The following AUTS2 variants were observed in gnomAD, a reference collection of about 807,000 sequenced individuals.
The protein encoded by AUTS2 is activator of transcription and developmental regulator AUTS2.
In AUTS2, 17 loss-of-function variants were observed where a neutral mutation model predicts 112.4. That is an observed-to-expected ratio of 0.15 (90% confidence interval 0.10 to 0.23). The LOEUF (loss-of-function observed/expected upper bound fraction) is 0.23, where lower values mean the gene tolerates loss of function less well. Ranked by LOEUF, AUTS2 falls within the 10% of genes least tolerant of loss-of-function variation. The probability of loss-of-function intolerance (pLI) is 1.00; values close to 1 mark genes in which losing one functional copy is unlikely to be tolerated. For missense variants in AUTS2, 1,510 were observed against 1,701.6 expected, an observed-to-expected ratio of 0.89 and a Z score of 1.98; for synonymous variants, 751 against 702.7, an observed-to-expected ratio of 1.07 and a Z score of -1.09.
Position 70,429,477 on chromosome 7 carries a change from T to C in AUTS2, c.661-6275T>C, listed in dbSNP as rs75848858. 2.3e-3 allele frequency among the ~76,000 whole-genome samples: 345 copies of C among 152,350 alleles called. 4 individuals carry two copies. The East Asian group carries it at 0.049, about 22-fold the overall frequency. On this transcript the variant is annotated intron_variant, in intron 4 of 18. Coordinates refer to ENST00000342771, the MANE Select transcript of AUTS2 (RefSeq NM_015570.4). ...GCTTTTAGGTAGAAACTTGGAGGAA[T>C]AGAATTCCCAGTAGAGGGAATTGTT...
intron 1 of AUTS2, among the ~76,000 whole-genome samples, chr7:69,712,058 A>G (rs1291678427): frequency 1.3e-5 from 2 of 152,114 alleles, no homozygotes; most frequent in Non-Finnish European, 2.9e-5. Flanking sequence ...ATTCAGTATA[A>G]TACTCCTTCT....
At chr7:70,676,628 G>T (rs769284365) in intron 5 of AUTS2, among the ~76,000 whole-genome samples, 4 of 151,326 alleles carry the variant, frequency 2.6e-5, no homozygotes, top group Non-Finnish European at 4.4e-5. Flanking sequence ...TGTAATACCA[G>T]CACTTTGGGA....
chr7:70,365,358 T>C (rs145137312), intron 4 of AUTS2, among the ~76,000 whole-genome samples: 1 of 152,348 alleles, frequency 6.6e-6, no homozygotes, highest in East Asian at 1.9e-4. Context: ...TGGTCAAGCA[T>C]TCCCTTATTA....
intron 5 of AUTS2, among the ~76,000 whole-genome samples, chr7:70,504,197 T>C (rs1052388202): frequency 2.0e-5 from 3 of 151,932 alleles, no homozygotes; most frequent in Admixed American, 6.6e-5. Context: ...TATTTTTATT[T>C]CCTTCTGCTT....
chr7:69,772,409 T>A (rs947194182), intron 1 of AUTS2, among the ~76,000 whole-genome samples: 6 of 152,250 alleles, frequency 3.9e-5, no homozygotes, highest in African/African-American at 1.4e-4. Context: ...GATAGAGGTA[T>A]AAGGTCCTTT....
At chr7:70,686,545 T>C (rs1322725454) in intron 5 of AUTS2, among the ~76,000 whole-genome samples, 1 of 152,062 alleles carries the variant, frequency 6.6e-6, no homozygotes, top group African/African-American at 2.4e-5. Context: ...TTGTTTTGTT[T>C]TTGTTTTTGG....
intron 2 of AUTS2, among the ~76,000 whole-genome samples, chr7:69,932,042 G>A (rs1177804973): frequency 1.3e-5 from 2 of 152,164 alleles, no homozygotes; most frequent in Non-Finnish European, 2.9e-5. Context: ...CCTGAGTCTG[G>A]AGGTCTGGAC....
chr7:70,349,819 C>T (rs1228999456), intron 4 of AUTS2, among the ~76,000 whole-genome samples: 14 of 152,168 alleles, frequency 9.2e-5, no homozygotes, highest in Non-Finnish European at 1.6e-4. Flanking sequence ...ATTACTTAAA[C>T]ACAAAAATCT....
At chr7:70,595,567 G>A (rs1250599133) in intron 5 of AUTS2, among the ~76,000 whole-genome samples, 5 of 152,104 alleles carry the variant, frequency 3.3e-5, no homozygotes, top group African/African-American at 1.2e-4. Context: ...AGCCCCAAGG[G>A]CAGGGCTGGT....
At chr7:69,883,454 G>T (rs962409338) in intron 1 of AUTS2, among the ~76,000 whole-genome samples, 1 of 152,140 alleles carries the variant, frequency 6.6e-6, no homozygotes, top group African/African-American at 2.4e-5. Flanking sequence ...TGATAAAACT[G>T]CAGGGTAGTA....
At chr7:70,273,783 A>G (rs1787803859) in intron 4 of AUTS2, among the ~76,000 whole-genome samples, 1 of 152,052 alleles carries the variant, frequency 6.6e-6, no homozygotes, top group South Asian at 2.1e-4. Context: ...TCTTTTGAAT[A>G]CTGTATTTTA....
At chr7:70,462,769 C>T (rs1267311540) in intron 5 of AUTS2, among the ~76,000 whole-genome samples, 2 of 152,012 alleles carry the variant, frequency 1.3e-5, no homozygotes, top group African/African-American at 4.8e-5. Context: ...CTAGGCAGAA[C>T]AATATGGTGA....
intron 4 of AUTS2, chr7:70,292,326 C>T (rs1414269273): frequency 6.6e-6 from 1 of 152,234 alleles, no homozygotes; most frequent in Non-Finnish European, 1.5e-5. Context: ...ATCTAAAATG[C>T]GTATGTGAAA....
At chr7:70,721,729 G>A (rs1015844815) in intron 6 of AUTS2, among the ~76,000 whole-genome samples, 9 of 152,214 alleles carry the variant, frequency 5.9e-5, no homozygotes, top group East Asian at 5.8e-4. Context: ...TTTTTATGTT[G>A]CAAAATTGCA....
chr7:70,589,385 A>T (rs1440550657), intron 5 of AUTS2, among the ~76,000 whole-genome samples: 1 of 131,882 alleles, frequency 7.6e-6, no homozygotes, highest in Non-Finnish European at 1.8e-5. Context: ...CTTTTTGTGC[A>T]CAAAACCCCC....
intron 4 of AUTS2, among the ~76,000 whole-genome samples, chr7:70,416,268 C>G (rs1437470779): frequency 1.3e-5 from 2 of 152,212 alleles, no homozygotes; most frequent in Non-Finnish European, 2.9e-5. Context: ...AGCATAACTA[C>G]AACAACCCAT....
At chr7:69,764,091 T>A (rs1209157899) in intron 1 of AUTS2, among the ~76,000 whole-genome samples, 1 of 152,230 alleles carries the variant, frequency 6.6e-6, no homozygotes, top group Non-Finnish European at 1.5e-5. Context: ...CACTTGCCCA[T>A]GATCGTCTAC....
chr7:70,003,802 A>AAT (rs1474715577), intron 2 of AUTS2, among the ~76,000 whole-genome samples: 16 of 93,744 alleles, frequency 1.7e-4, no homozygotes, highest in African/African-American at 4.6e-4. Context: ...GAATATATAT[A>AAT]ATATATGAAT....
At chr7:69,975,043 A>T (rs1798000456) in intron 2 of AUTS2, among the ~76,000 whole-genome samples, 1 of 151,482 alleles carries the variant, frequency 6.6e-6, no homozygotes, top group Non-Finnish European at 1.5e-5. Context: ...CTATTTATTT[A>T]TTTATTTATT....
Sources: gnomAD v4.1 joint callset for allele counts (sites outside exome capture counted in the v4.1 genomes callset) on GRCh38, gnomAD v4.1.1 for gene constraint, MANE v1.5 for transcripts, NCBI Gene and HGNC (gene_info 2026-07-23, HGNC 2026-07-21) for gene names.